The following KIF19 variants were observed in gnomAD, a reference collection of about 807,000 sequenced individuals.
The protein encoded by KIF19 is kinesin family member 19.
Under a neutral mutation model 106.6 loss-of-function variants are expected in KIF19, and 98 were observed. The observed-to-expected ratio is 0.92, with a 90% CI of 0.78 to 1.09. KIF19 has a LOEUF of 1.09. KIF19 is among the 50% of genes least tolerant of loss of function. KIF19 has a pLI of 0.00. For synonymous variants in KIF19, 516 were observed against 584.2 expected, an observed-to-expected ratio of 0.88 and a Z score of 1.68; for missense variants, 1,373 against 1,414.3, an observed-to-expected ratio of 0.97 and a Z score of 0.47.
rs761536492 is a variant in KIF19, at chr17:74,344,715, C to T, written c.583-46C>T. The T allele has an allele frequency of 2.6e-6, 4 of 1,556,828 alleles. No homozygotes were observed. In the South Asian group the frequency reaches 3.5e-5, roughly 14 times the overall value. ...CCTCAGGGGCTCCTCTCTGCCGGAG[C>T]ACCTACGGCAGTCGCTAAGAGCTGC... On this transcript the variant is annotated intron_variant, in intron 6 of 19. Coordinates refer to ENST00000389916, the MANE Select transcript of KIF19 (RefSeq NM_153209.4).
intron 15 of KIF19, 94 bp from the exon 16 acceptor site, chr17:74,353,102 C>T: frequency 7.2e-7 from 1 of 1,396,416 alleles, no homozygotes; most frequent in South Asian, 1.2e-5. Context: ...GGTTCTCTCT[C>T]CTTTCACACC....
intron 2 of KIF19, among the ~76,000 whole-genome samples, chr17:74,334,310 C>T (rs549632097): frequency 6.6e-6 from 1 of 152,310 alleles, no homozygotes; most frequent in African/African-American, 2.4e-5. Context: ...TGCTTGTTAA[C>T]CTGCAGATTT....
chr17:74,344,761 A>T lies in KIF19; in HGVS notation c.583A>T (p.Ile195Phe), dbSNP rs376096990. 6.2e-7 allele frequency: 1 copy of T among 1,605,410 alleles called. No individual in the cohort carries two copies. The highest frequency in any genetic ancestry group is 8.5e-7 in the Non-Finnish European group (1 of 1,174,026). Residue 195 changes from isoleucine (I) to phenylalanine (F), a missense_variant and splice_region_variant, in exon 7 of 20, where the codon ATC (isoleucine) becomes TTC (phenylalanine). Ile to Phe is a conservative substitution (Grantham distance 21). Transcript: ENST00000389916. Reference sequence around the variant, plus strand: ...GCTGCCTCTCCTCCCTCCCACCCAGATCATGCAGCTGCTGATGAAGGGGAA... The same window carrying T: ...GCTGCCTCTCCTCCCTCCCACCCAGTTCATGCAGCTGCTGATGAAGGGGAA... ...TEVSTINAKEIMQLLMKGNRQ... is the reference protein window; with the variant it reads ...TEVSTINAKEFMQLLMKGNRQ...
rs1270733340 is a variant in KIF19, at chr17:74,349,328, G to A, written c.1192G>A (p.Gly398Ser). ...RGQARGRQDR[G>S]DIRHIQAEVQ... is the part of the protein sequence containing the mutation. ...CCAGGCCCGGGGCCGGCAGGATCGGGGTGACATCCGCCACATCCAAGGTGC... is the reference window on the plus strand; with the variant it reads ...CCAGGCCCGGGGCCGGCAGGATCGGAGTGACATCCGCCACATCCAAGGTGC... Residue 398 changes from glycine to serine, a missense_variant, in exon 10 of 20, where the codon GGT (glycine) becomes AGT (serine). Gly to Ser is a moderately conservative substitution (Grantham distance 56). Around this residue, in one of 3 missense-constraint regions of KIF19, gnomAD observed 1,020 missense variants for 1,008.2 expected, o/e 1.01. Transcript: ENST00000389916. 1.9e-6 allele frequency: 3 copies of A among 1,604,612 alleles called. No individual in the cohort carries two copies. Among genetic ancestry groups the A allele is most frequent in the Non-Finnish European group, 2.6e-6 (3 of 1,175,840 alleles).
Position 74,352,391 on chromosome 17 carries a change from G to A in KIF19, c.1980+51G>A, listed in dbSNP as rs1010140549. The A allele has an allele frequency of 1.2e-5, 19 of 1,560,438 alleles. No homozygotes were observed. In the African/African-American group the frequency reaches 2.2e-4, roughly 18 times the overall value. On this transcript the variant is annotated intron_variant, in intron 14 of 19. Coordinates refer to ENST00000389916, the MANE Select transcript of KIF19 (RefSeq NM_153209.4). ...ACATGGGCACATGTGCCCAGGGAGG[G>A]GCTGATGACCAAGGCAATGCCTTCA...
At chr17:74,344,171 C>T (rs1567909632) in intron 5 of KIF19, 52 bp from the exon 6 acceptor site, 1 of 1,563,624 alleles carries the variant, frequency 6.4e-7, no homozygotes, top group Non-Finnish European at 8.7e-7. Context: ...CTGGCCTTGA[C>T]CTCCTGCCCT....
At position 74,354,814 on chromosome 17, in the gene KIF19, C is replaced by T. The variant is rs1365114134; in HGVS notation, c.2739C>T (p.Pro913=). The change falls in exon 19 of 20, where the codon CCC becomes CCT. Residue 913 remains proline (P), a synonymous_variant. Transcript: ENST00000389916. ...LSHPKTHLLG[P]HQAERISDHR... is the part of the protein sequence containing the mutation. Reference sequence around the variant, plus strand: ...ACCCCAAGACACACCTCCTGGGGCCCCATCAGGCGGAGCGCATCTCGGACC... The same window carrying T: ...ACCCCAAGACACACCTCCTGGGGCCTCATCAGGCGGAGCGCATCTCGGACC... 3 of 1,559,936 alleles carry T rather than the reference C, an allele frequency of 1.9e-6. No homozygotes were observed. The African/African-American group carries it at 4.1e-5, about 21-fold the overall frequency.
chr17:74,347,786 G>T lies in KIF19; in HGVS notation c.934G>T (p.Gly312Ter). 6.3e-7 allele frequency: 1 copy of T among 1,588,426 alleles called. No individual in the cohort carries two copies. Among genetic ancestry groups the T allele is most frequent in the Non-Finnish European group, 8.6e-7 (1 of 1,168,080 alleles). The change falls in exon 9 of 20, where the codon GGA becomes TGA. Residue 312 changes from glycine (G) to a stop codon, truncating the protein, a stop_gained. Transcript: ENST00000389916. LOFTEE classifies it high-confidence loss of function. Reference sequence around the variant, plus strand: ...GCCACCTCCCATCCAGGACTCTCTGGGAGGAAACAGCCGCACAGTGATGAT... The same window carrying T: ...GCCACCTCCCATCCAGGACTCTCTGTGAGGAAACAGCCGCACAGTGATGAT... ...KLTRLLKDSL[G>*]GNSRTVMIAH...
chr17:74,346,495 C>T lies in KIF19; in HGVS notation c.895C>T (p.Arg299Cys), dbSNP rs764737033. The T allele has an allele frequency of 1.6e-5, 25 of 1,551,458 alleles. No homozygotes were observed. The Admixed American group carries it at 3.1e-4, about 19-fold the overall frequency. Residue 299 changes from arginine to cysteine, a missense_variant, in exon 8 of 20, where the codon CGC (arginine) becomes TGC (cysteine). Physicochemically the swap from Arg to Cys is radical, Grantham distance 180. This residue lies in a region of KIF19 where 1,020 missense variants were observed against 1,008.2 expected (regional missense o/e 1.01). Transcript: ENST00000389916. The surrounding 1 kb of genome is among the most constrained non-coding windows in gnomAD (Gnocchi z 4.6). ...GGGTAGCAACAAGTACATCAACTAT[C>T]GCGACAGCAAGCTCACCCGGCTCCT... ...DKGSNKYINY[R>C]DSKLTRLLKD... is the part of the protein sequence containing the mutation.
At chr17:74,336,949 C>G (rs1484850113) in intron 2 of KIF19, among the ~76,000 whole-genome samples, 2 of 152,204 alleles carry the variant, frequency 1.3e-5, no homozygotes, top group East Asian at 3.9e-4. Context: ...CCTCAGCCCC[C>G]CAAGTAGCTG....
At chr17:74,353,694 T>C in intron 17 of KIF19, 113 bp downstream of exon 17, 1 of 836,640 alleles carries the variant, frequency 1.2e-6, no homozygotes, top group Non-Finnish European at 2.0e-6. Flanking sequence ...AACCAAGCAT[T>C]GGGTGCTACA....
At chr17:74,334,533 G>T (rs562916682) in intron 2 of KIF19, among the ~76,000 whole-genome samples, 21 of 152,300 alleles carry the variant, frequency 1.4e-4, no homozygotes, top group African/African-American at 4.6e-4. Context: ...CAGGACATCA[G>T]CCAGGTGTGG....
At chr17:74,335,505 C>T (rs547560867) in intron 2 of KIF19, among the ~76,000 whole-genome samples, 3 of 152,376 alleles carry the variant, frequency 2.0e-5, no homozygotes, top group African/African-American at 2.4e-5. Flanking sequence ...CTGAGGCCCC[C>T]ACTTCCCTAC....
At position 74,353,262 on chromosome 17, in the gene KIF19, C is replaced by A. The variant is rs374897418; in HGVS notation, c.2181C>A (p.Thr727=). 5.1e-6 allele frequency: 8 copies of A among 1,581,630 alleles called. No homozygotes were observed. The East Asian group carries it at 1.9e-4, about 37-fold the overall frequency. The change falls in exon 16 of 20, where the codon ACC becomes ACA. Residue 727 remains threonine (T), a synonymous_variant. Transcript: ENST00000389916. ...AGGCAAAAAGCTCCTCTGTGCCCAC[C>A]CCACCTCCCATCCAGCTCGGCAGCC... ...AWQAKSSSVP[T]PPPIQLGSLV...
At chr17:74,348,115 C>A (rs939607867) in intron 9 of KIF19, among the ~76,000 whole-genome samples, 1 of 152,250 alleles carries the variant, frequency 6.6e-6, no homozygotes, top group Non-Finnish European at 1.5e-5. Flanking sequence ...CCGCTTCCTC[C>A]AGTCCCAGGA....
intron 9 of KIF19, 85 bp from the exon 10 acceptor site, chr17:74,349,099 G>A: frequency 7.0e-7 from 1 of 1,419,530 alleles, no homozygotes; most frequent in Non-Finnish European, 9.8e-7. Context: ...GGGGGAGGCA[G>A]GGGGAAGAAA....
chr17:74,352,873 C>G lies in KIF19; in HGVS notation c.2033C>G (p.Ser678Cys), dbSNP rs1380177114. 1 of 1,614,024 alleles carries G rather than the reference C, an allele frequency of 6.2e-7. No homozygotes were observed. ...TPAGTSLTPD[S>C]DLESVKTLSS... is the part of the protein sequence containing the mutation. ...GCAGGAACCTCACTGACCCCAGATTCTGACCTGGAGAGTGTGAAGACATTG... is the reference window on the plus strand; with the variant it reads ...GCAGGAACCTCACTGACCCCAGATTGTGACCTGGAGAGTGTGAAGACATTG... The change falls in exon 15 of 20, where the codon TCT becomes TGT. Residue 678 changes from serine (S) to cysteine (C), a missense_variant. Around this residue, in one of 3 missense-constraint regions of KIF19, gnomAD observed 1,020 missense variants for 1,008.2 expected, o/e 1.01. Coordinates refer to ENST00000389916, the MANE Select transcript of KIF19 (RefSeq NM_153209.4).
intron 2 of KIF19, among the ~76,000 whole-genome samples, chr17:74,338,357 G>T (rs539801423): frequency 6.7e-6 from 1 of 148,688 alleles, no homozygotes; most frequent in Non-Finnish European, 1.5e-5. Flanking sequence ...TGGGACAGGG[G>T]CCAGATCCTA....
At chr17:74,345,356 G>T (rs1007620386) in intron 7 of KIF19, among the ~76,000 whole-genome samples, 9 of 152,166 alleles carry the variant, frequency 5.9e-5, no homozygotes, top group East Asian at 3.9e-4. Context: ...GTAGTTGGAG[G>T]CAGGGAGAGA....
Sources: gnomAD v4.1 joint callset for allele counts (sites outside exome capture counted in the v4.1 genomes callset) on GRCh38, gnomAD v4.1.1 for gene constraint, gnomAD v4.1.1 regional missense constraint, Gnocchi (gnomAD v3.1) non-coding constraint, MANE v1.5 for transcripts, NCBI Gene and HGNC (gene_info 2026-07-23, HGNC 2026-07-21) for gene names.